SPOCK3: variants seen among roughly 807,000 people sequenced by gnomAD.
SPOCK3 encodes testican-3.
A neutral mutation model predicts 56.6 loss-of-function variants in SPOCK3; 30 were observed. The observed-to-expected ratio is 0.53, with a 90% CI of 0.40 to 0.72. The LOEUF is 0.72. Among genes scored for constraint, SPOCK3 ranks in the 30% least tolerant of loss-of-function variants. The pLI, the probability that SPOCK3 is intolerant of heterozygous loss-of-function variation, is 0.00. For synonymous variants in SPOCK3, 196 were observed against 183.3 expected, an observed-to-expected ratio of 1.07 and a Z score of -0.56; for missense variants, 527 against 530.0, an observed-to-expected ratio of 0.99 and a Z score of 0.06.
intron 2 of SPOCK3, among the ~76,000 whole-genome samples, chr4:167,110,213 C>A (rs1031532054): frequency 6.6e-6 from 1 of 152,066 alleles, no homozygotes; most frequent in Non-Finnish European, 1.5e-5. Context: ...ATAATGCATT[C>A]ACTTTCCCCC....
intron 2 of SPOCK3, among the ~76,000 whole-genome samples, chr4:167,071,142 G>A (rs577483659): frequency 1.3e-5 from 2 of 152,076 alleles, no homozygotes; most frequent in Admixed American, 6.6e-5. Flanking sequence ...TAGAGACTGT[G>A]TACTGGTTAG....
intron 2 of SPOCK3, among the ~76,000 whole-genome samples, chr4:167,221,659 C>A (rs908880806): frequency 1.3e-5 from 2 of 152,100 alleles, no homozygotes; most frequent in Non-Finnish European, 2.9e-5. Flanking sequence ...GCAGACATTT[C>A]TTCAGAAATG....
intron 4 of SPOCK3, chr4:166,918,607 C>G (rs1187273827): frequency 6.6e-6 from 1 of 151,864 alleles, no homozygotes. Flanking sequence ...CTGATTTGCT[C>G]TATATATTTT....
intron 4 of SPOCK3, among the ~76,000 whole-genome samples, chr4:166,950,342 C>A (rs569406901): frequency 0.041 from 6,132 of 149,104 alleles, 441 homozygotes; most frequent in African/African-American, 0.15. Context: ...ACAAAGAAGG[C>A]CATTACATAA....
At chr4:166,991,397 T>C (rs1747776332) in intron 4 of SPOCK3, among the ~76,000 whole-genome samples, 1 of 149,014 alleles carries the variant, frequency 6.7e-6, no homozygotes, top group South Asian at 2.1e-4. Context: ...TGAGACAGAG[T>C]TTCCCTCTGT....
At chr4:166,747,926 A>G (rs1735863398) in intron 8 of SPOCK3, among the ~76,000 whole-genome samples, 1 of 152,102 alleles carries the variant, frequency 6.6e-6, no homozygotes, top group Non-Finnish European at 1.5e-5. Flanking sequence ...TCCAACTTAT[A>G]GGAAATGTGA....
chr4:166,878,469 TA>T (rs1733335484), intron 6 of SPOCK3, among the ~76,000 whole-genome samples: 1 of 151,758 alleles, frequency 6.6e-6, no homozygotes, highest in Non-Finnish European at 1.5e-5. Flanking sequence ...TTAAAATTTT[TA>T]AAATGTATAT....
intron 4 of SPOCK3, among the ~76,000 whole-genome samples, chr4:166,955,466 T>A (rs1229920207): frequency 1.4e-5 from 2 of 146,378 alleles, no homozygotes; most frequent in Admixed American, 6.9e-5. Flanking sequence ...AATATAAATA[T>A]TATATTATAT....
chr4:167,039,843 T>C (rs1753098420), intron 3 of SPOCK3, among the ~76,000 whole-genome samples: 1 of 152,216 alleles, frequency 6.6e-6, no homozygotes, highest in Admixed American at 6.5e-5. Context: ...CACAAAGTTG[T>C]ATAAACAATT....
chr4:166,850,588 G>A (rs1036519230), intron 6 of SPOCK3, among the ~76,000 whole-genome samples: 6 of 152,176 alleles, frequency 3.9e-5, no homozygotes, highest in African/African-American at 9.6e-5. Context: ...GCCAGACAGC[G>A]GGGGCAGGTC....
intron 2 of SPOCK3, among the ~76,000 whole-genome samples, chr4:167,067,489 C>A (rs908739742): frequency 1.3e-5 from 2 of 151,614 alleles, no homozygotes; most frequent in African/African-American, 4.8e-5. Context: ...TTACTCTATG[C>A]CCATATTCTA....
At chr4:166,937,977 A>C (rs1222294903) in intron 4 of SPOCK3, among the ~76,000 whole-genome samples, 1 of 141,470 alleles carries the variant, frequency 7.1e-6, no homozygotes, top group African/African-American at 2.6e-5. Flanking sequence ...ACAGGGTTTC[A>C]CCGTGTTAGC....
At chr4:166,877,092 T>C (rs181675027) in intron 6 of SPOCK3, among the ~76,000 whole-genome samples, 1 of 152,256 alleles carries the variant, frequency 6.6e-6, no homozygotes, top group East Asian at 1.9e-4. Flanking sequence ...GTGGTTAAAG[T>C]GGCTACCTCT....
At chr4:166,959,611 CA>C (rs1743911186) in intron 4 of SPOCK3, among the ~76,000 whole-genome samples, 1 of 63,788 alleles carries the variant, frequency 1.6e-5, no homozygotes, top group African/African-American at 5.9e-5. Context: ...GAGTTCGTCT[CA>C]AAAAAAGAAA....
At chr4:167,122,441 CTATTA>C (rs1191768695) in intron 2 of SPOCK3, among the ~76,000 whole-genome samples, 1 of 152,130 alleles carries the variant, frequency 6.6e-6, no homozygotes. Flanking sequence ...ATTTGTTTTG[CTATTA>C]TATTGCACTA....
chr4:167,088,139 A>G (rs1478572028), intron 2 of SPOCK3, among the ~76,000 whole-genome samples: 1 of 152,176 alleles, frequency 6.6e-6, no homozygotes, highest in Non-Finnish European at 1.5e-5. Context: ...TTCTAGATGC[A>G]TAGGAGAAAA....
At chr4:166,886,578 T>C (rs1378700633) in intron 6 of SPOCK3, among the ~76,000 whole-genome samples, 1 of 152,186 alleles carries the variant, frequency 6.6e-6, no homozygotes, top group Non-Finnish European at 1.5e-5. Context: ...ATTCATACTT[T>C]ATGAAGAAAA....
chr4:167,001,389 G>T (rs1040875617), intron 3 of SPOCK3, among the ~76,000 whole-genome samples: 14 of 152,190 alleles, frequency 9.2e-5, no homozygotes, highest in African/African-American at 3.1e-4. Context: ...AAAATTTGTG[G>T]TGCTTTGTGA....
At chr4:166,986,380 A>T (rs1747169245) in intron 4 of SPOCK3, among the ~76,000 whole-genome samples, 1 of 152,130 alleles carries the variant, frequency 6.6e-6, no homozygotes, top group African/African-American at 2.4e-5. Context: ...CTTAAATTCC[A>T]TACAATTGTG....
Sources: allele counts gnomAD v4.1 joint callset (sites outside exome capture counted in the v4.1 genomes callset), GRCh38; gene constraint gnomAD v4.1.1; transcripts MANE v1.5; gene names NCBI Gene and HGNC (gene_info 2026-07-23, HGNC 2026-07-21).